Variants in DNAH7 observed in about 807,000 individuals in gnomAD.
The protein encoded by DNAH7 is axonemal beta dynein heavy chain 7.
A neutral mutation model predicts 444.6 loss-of-function variants in DNAH7; 397 were observed. That is an observed-to-expected ratio of 0.89 (90% CI 0.82 to 0.97). The LOEUF is 0.97. DNAH7 is among the 50% of genes least tolerant of loss of function. The probability of loss-of-function intolerance (pLI) is 0.00; values close to 1 mark genes in which losing one functional copy is unlikely to be tolerated. For synonymous variants in DNAH7, 1,636 were observed against 1,624.4 expected, an observed-to-expected ratio of 1.01 and a Z score of -0.17; for missense variants, 4,902 against 4,800.8, an observed-to-expected ratio of 1.02 and a Z score of -0.62.
chr2:195,975,245 C>G (rs1465231012), intron 15 of DNAH7, among the ~76,000 whole-genome samples: 3 of 152,110 alleles, frequency 2.0e-5, no homozygotes, highest in Non-Finnish European at 4.4e-5. Context: ...CCATCCCTCC[C>G]CTGGCCCCCC....
At chr2:195,794,807 T>C (rs1696060399) in intron 56 of DNAH7, among the ~76,000 whole-genome samples, 1 of 152,168 alleles carries the variant, frequency 6.6e-6, no homozygotes, top group Admixed American at 6.5e-5. Context: ...TAATTTAGAG[T>C]TGGTTAAAAT....
At chr2:195,840,550 T>C (rs958107520) in intron 47 of DNAH7, among the ~76,000 whole-genome samples, 2 of 151,732 alleles carry the variant, frequency 1.3e-5, no homozygotes, top group Non-Finnish European at 3.0e-5. Flanking sequence ...TAGAAAGTAG[T>C]AAGTTAAACT....
At chr2:195,880,979 T>G (rs1701341451) in intron 36 of DNAH7, among the ~76,000 whole-genome samples, 1 of 151,908 alleles carries the variant, frequency 6.6e-6, no homozygotes, top group South Asian at 2.1e-4. Flanking sequence ...TCTCTCAGCT[T>G]TCTGTACACT....
intron 12 of DNAH7, among the ~76,000 whole-genome samples, chr2:195,992,977 C>T (rs1316880313): frequency 6.6e-6 from 1 of 152,136 alleles, no homozygotes; most frequent in African/African-American, 2.4e-5. Context: ...CTGTTCCTGC[C>T]AGCTTAAGAA....
At chr2:195,967,760 G>A (rs574098598) in intron 17 of DNAH7, among the ~76,000 whole-genome samples, 25 of 152,284 alleles carry the variant, frequency 1.6e-4, no homozygotes, top group Non-Finnish European at 2.9e-4. Context: ...TTCTCTTGCT[G>A]CTTTTAGGTT....
intron 5 of DNAH7, among the ~76,000 whole-genome samples, chr2:196,038,027 A>G (rs1207217692): frequency 6.6e-6 from 1 of 152,182 alleles, no homozygotes; most frequent in Non-Finnish European, 1.5e-5. Flanking sequence ...GTCAAGTGAC[A>G]TATAAGGGAA....
At chr2:195,878,275 A>C (rs1258608134) in intron 36 of DNAH7, among the ~76,000 whole-genome samples, 3 of 152,176 alleles carry the variant, frequency 2.0e-5, no homozygotes, top group African/African-American at 7.2e-5. Context: ...GTAATCAATA[A>C]ATTTTTGTTG....
intron 47 of DNAH7, among the ~76,000 whole-genome samples, chr2:195,841,389 C>T (rs1698675610): frequency 6.6e-6 from 1 of 151,758 alleles, no homozygotes; most frequent in African/African-American, 2.4e-5. Flanking sequence ...CTTAATGTAA[C>T]ATCTTTTTTA....
chr2:195,874,513 G>A lies in DNAH7; in HGVS notation c.6287-819C>T, dbSNP rs1167263618. 2.0e-5 allele frequency among the ~76,000 whole-genome samples: 3 copies of A among 152,072 alleles called. No homozygotes were observed. In the East Asian group the frequency reaches 5.8e-4, roughly 29 times the overall value. On this transcript the variant is annotated intron_variant, in intron 38 of 64. Coordinates refer to ENST00000312428, the MANE Select transcript of DNAH7 (RefSeq NM_018897.3). ...TGAAGAGGCAGGGAAAAGTGGACATGTGAGTATAAATGCCTGGCTTGGGGT... is the reference window on the plus strand; with the variant it reads ...TGAAGAGGCAGGGAAAAGTGGACATATGAGTATAAATGCCTGGCTTGGGGT...
chr2:195,971,365 G>T (rs1691828879), intron 16 of DNAH7, among the ~76,000 whole-genome samples: 1 of 152,196 alleles, frequency 6.6e-6, no homozygotes, highest in Admixed American at 6.5e-5. Context: ...GTGCTGGGAA[G>T]TGGATATAAA....
At chr2:195,784,451 G>A (rs1397207273) in intron 58 of DNAH7, among the ~76,000 whole-genome samples, 2 of 152,024 alleles carry the variant, frequency 1.3e-5, no homozygotes, top group Non-Finnish European at 1.5e-5. Context: ...TTTTTAGCAC[G>A]GAATAATATC....
chr2:195,745,737 A>G (rs1693360135), intron 63 of DNAH7, among the ~76,000 whole-genome samples: 1 of 152,226 alleles, frequency 6.6e-6, no homozygotes, highest in Non-Finnish European at 1.5e-5. Context: ...AGAATTTCAT[A>G]TCCAGCCAAA....
intron 5 of DNAH7, among the ~76,000 whole-genome samples, chr2:196,033,676 T>A (rs149653130): frequency 1.3e-5 from 2 of 152,340 alleles, no homozygotes; most frequent in East Asian, 1.9e-4. Context: ...CACATTTTTT[T>A]AATCCATTCA....
At chr2:196,015,858 TC>T (rs1269829962) in intron 9 of DNAH7, among the ~76,000 whole-genome samples, 1 of 152,068 alleles carries the variant, frequency 6.6e-6, no homozygotes, top group Non-Finnish European at 1.5e-5. Context: ...TTGTTGACTG[TC>T]CCCCCACTCT....
Position 195,972,295 on chromosome 2 carries a change from C to T in DNAH7, c.2005G>A (p.Glu669Lys), listed in dbSNP as rs766889410. 8 of 1,613,936 alleles carry T rather than the reference C, an allele frequency of 5.0e-6. No homozygotes were observed. The Middle Eastern group carries it at 4.9e-4, about 99-fold the overall frequency. ...TTCTCTTTAATGATTTTCCTGTGTT[C>T]TTCAAAAATTTCTCCCATCCTTCCA... ...WYGRMGEIFE[E>K]HRKIIKEKIE... Residue 669 changes from glutamate (E) to lysine (K), a missense_variant, in exon 16 of 65, where the codon GAA (glutamate) becomes AAA (lysine). Transcript: ENST00000312428.
chr2:195,858,060 C>CA (rs5837479), intron 43 of DNAH7, among the ~76,000 whole-genome samples: 4,177 of 151,686 alleles, frequency 0.028, 78 homozygotes, highest in African/African-American at 0.032. Flanking sequence ...TGTATCCCCC[C>CA]AAAAAAAATC....
chr2:195,778,681 C>T lies in DNAH7; in HGVS notation c.10879-696G>A, dbSNP rs13386450. Among the ~76,000 whole-genome samples, 9 of 96,140 alleles carry T rather than the reference C, an allele frequency of 9.4e-5. No homozygotes were observed. In the East Asian group the frequency reaches 1.3e-3, roughly 14 times the overall value. 63.1% of individuals were successfully genotyped at this position (96,140 alleles called of 152,430 possible). ...ATATATATATATATACACACACACACATATATATACACATATATATATACA... is the reference window on the plus strand; with the variant it reads ...ATATATATATATATACACACACACATATATATATACACATATATATATACA... On this transcript the variant is annotated intron_variant, in intron 58 of 64. Transcript: ENST00000312428.
chr2:195,831,659 G>A (rs1177533349), intron 48 of DNAH7, among the ~76,000 whole-genome samples: 2 of 152,160 alleles, frequency 1.3e-5, no homozygotes, highest in Non-Finnish European at 2.9e-5. Context: ...ATAATCATTA[G>A]CATTTAAAAA....
Position 195,988,079 on chromosome 2 carries a change from T to A in DNAH7, c.1504A>T (p.Thr502Ser). ...TCAACATCTCGCTCAGCTTTTCTGG[T>A]AATTAAAAAGTCATACTTGTCATAG... is the stretch of plus-strand genomic sequence containing the variant. ...RLYDKYDFLI[T>S]RKAERDVDNF... Residue 502 changes from threonine to serine, a missense_variant, in exon 13 of 65, where the codon ACC becomes TCC. Coordinates refer to ENST00000312428, the MANE Select transcript of DNAH7 (RefSeq NM_018897.3). 6.2e-7 allele frequency: 1 copy of A among 1,613,770 alleles called. No individual in the cohort carries two copies. Among genetic ancestry groups the A allele is most frequent in the Non-Finnish European group, 8.5e-7 (1 of 1,179,806 alleles).
Sources: gnomAD v4.1 joint callset for allele counts (sites outside exome capture counted in the v4.1 genomes callset) on GRCh38, gnomAD v4.1.1 for gene constraint, MANE v1.5 for transcripts, NCBI Gene and HGNC (gene_info 2026-07-23, HGNC 2026-07-21) for gene names.